Variants in BTK observed in about 807,000 individuals in gnomAD.
BTK encodes the protein tyrosine-protein kinase BTK.
A neutral mutation model predicts 57.4 loss-of-function variants in BTK; 5 were observed. The ratio of observed to expected loss-of-function variants is 0.09; its 90% CI spans 0.05 to 0.18. The LOEUF is 0.18. Ranked by LOEUF, BTK falls within the 10% of genes least tolerant of loss-of-function variation. The pLI, the probability that BTK is intolerant of heterozygous loss-of-function variation, is 1.00. For missense variants in BTK, 194 were observed against 501.2 expected (o/e 0.39, Z 5.85); for synonymous variants, 154 against 174.3 (o/e 0.88, Z 0.92).
intron 18 of BTK, 146 bp downstream of exon 18, chrX:101,353,048 A>G (rs1475522447): frequency 3.5e-6 from 2 of 577,170 alleles, no homozygotes; most frequent in African/African-American, 4.8e-5. Flanking sequence ...CCTGGGTGAA[A>G]GAGCGAGACC....
chrX:101,379,677 C>T (rs1555981512), intron 1 of BTK, among the ~76,000 whole-genome samples: 1 of 111,461 alleles, frequency 9.0e-6, no homozygotes, highest in Non-Finnish European at 1.9e-5. Context: ...GCCTTGGGGC[C>T]CCTGTCATTC....
chrX:101,356,000 T>G (rs1926467924), intron 15 of BTK, 52 bp downstream of exon 15: 1 of 1,132,789 alleles, frequency 8.8e-7, no homozygotes, highest in Non-Finnish European at 1.2e-6. Flanking sequence ...CTTCCACTGC[T>G]ACTTCCACCC....
At chrX:101,387,165 A>ATT (rs782638485), upstream of BTK, among the ~76,000 whole-genome samples, 1 of 109,562 alleles carries the variant, frequency 9.1e-6, no homozygotes, top group African/African-American at 3.3e-5. Context: ...ACAGGACCTT[A>ATT]TTTTTTTTTC....
intron 1 of BTK, among the ~76,000 whole-genome samples, chrX:101,382,662 G>C (rs998724774): frequency 2.7e-5 from 3 of 111,465 alleles, no homozygotes; most frequent in African/African-American, 9.8e-5. Flanking sequence ...GATGATGGAA[G>C]GAGAGCCAGA....
In BTK at chrX:101,349,917, T is replaced by C; in HGVS notation, c.1948A>G (p.Asn650Asp). 1 of 1,210,181 alleles carries C rather than the reference T, an allele frequency of 8.3e-7. No homozygotes were observed. Among genetic ancestry groups the C allele is most frequent in the Middle Eastern group, 2.3e-4 (1 of 4,348 alleles). ...ERPTFKILLS[N>D]ILDVMDEES The stretch of plus-strand genomic sequence containing the variant: ...TCTTCATCCATGACATCTAGAATAT[T>C]GCTCAGAAGAATTTTGAAAGTGGGA... Residue 650 changes from asparagine (N) to aspartate (D), a missense_variant, in exon 19 of 19, where the codon AAT becomes GAT. This residue lies in a region of BTK where 79 missense variants were observed against 217.7 expected (regional missense o/e 0.36). Transcript: ENST00000308731.
At chrX:101,376,990 G>T (rs182057444) in intron 1 of BTK, among the ~76,000 whole-genome samples, 202 of 111,368 alleles carry the variant, frequency 1.8e-3, no homozygotes, top group African/African-American at 6.4e-3. Context: ...AACACCAGGG[G>T]TGTTCTGGAA....
At chrX:101,358,769 G>A (rs1555978215) in intron 10 of BTK, 73 bp from the exon 11 acceptor site, 16 of 872,285 alleles carry the variant, frequency 1.8e-5, no homozygotes, top group South Asian at 1.0e-4. Flanking sequence ...GCCCAAACTT[G>A]AGAGAGAAAA....
intron 5 of BTK, among the ~76,000 whole-genome samples, chrX:101,366,593 T>C (rs1270261066): frequency 8.9e-6 from 1 of 112,082 alleles, no homozygotes; most frequent in African/African-American, 3.2e-5. Context: ...ACTATTGACA[T>C]TGGCAGCACC....
At chrX:101,369,508 T>C (rs1304056774) in intron 5 of BTK, among the ~76,000 whole-genome samples, 1 of 111,804 alleles carries the variant, frequency 8.9e-6, no homozygotes, top group Non-Finnish European at 1.9e-5. Context: ...TACTTAGGAT[T>C]CTAAATATTG....
chrX:101,390,019 C>T (rs962854572), upstream of BTK, among the ~76,000 whole-genome samples: 6 of 111,630 alleles, frequency 5.4e-5, no homozygotes, highest in Non-Finnish European at 1.1e-4. Context: ...TAAAGGAACG[C>T]GGGCTCTAGA....
At chrX:101,358,258 A>G (rs1555978113) in intron 12 of BTK, 52 bp downstream of exon 12, 2 of 1,204,708 alleles carry the variant, frequency 1.7e-6, no homozygotes, top group South Asian at 1.8e-5. Context: ...CTTGTCCTGC[A>G]TTGCTTATCC....
chrX:101,359,536 A>G (rs1431888555), intron 9 of BTK, among the ~76,000 whole-genome samples, 189 bp from the exon 10 acceptor site: 1 of 111,777 alleles, frequency 8.9e-6, no homozygotes, highest in East Asian at 2.8e-4. Flanking sequence ...GATTCATGGA[A>G]ATGGAGAGTA....
At position 101,358,291 on chromosome X, in the gene BTK, A is replaced by G; in HGVS notation, c.1102+19T>C. ...TCCTGGTGTCTGTAACTCCCTTCTC[A>G]GTTGCCCCTGGTACTCACCTGCAGA... On this transcript the variant is annotated intron_variant, in intron 12 of 18. Transcript: ENST00000308731. 8.3e-7 allele frequency: 1 copy of G among 1,211,494 alleles called. No homozygotes were observed. Among genetic ancestry groups the G allele is most frequent in the Non-Finnish European group, 1.1e-6 (1 of 895,345 alleles).
upstream of BTK, among the ~76,000 whole-genome samples, chrX:101,387,598 T>A (rs1159254511): frequency 5.5e-5 from 6 of 110,063 alleles, no homozygotes; most frequent in African/African-American, 2.0e-4. Context: ...GCGATACTCC[T>A]GCCTTGGCCT....
At chrX:101,358,019 C>T (rs1429645366) in intron 12 of BTK, 5 of 438,339 alleles carry the variant, frequency 1.1e-5, no homozygotes, top group South Asian at 2.7e-5. Context: ...CTGAGGAAAT[C>T]GCTGAGTACA....
Position 101,349,781 on chromosome X carries a change from G to A in BTK, c.*104C>T. The stretch of plus-strand genomic sequence containing the variant: ...GAGAGGGGCCTTTTTGTATTGAGTG[G>A]GAGCACAAAGGCTCCAGGGCTCCTA... On this transcript the variant is annotated 3_prime_UTR_variant, in exon 19 of 19. Coordinates refer to ENST00000308731, the MANE Select transcript of BTK (RefSeq NM_000061.3). 1 of 686,777 alleles carries A rather than the reference G, an allele frequency of 1.5e-6. No homozygotes were observed. Among genetic ancestry groups the A allele is most frequent in the Non-Finnish European group, 2.3e-6 (1 of 429,533 alleles). The allele number at this position is 686,777 out of a possible 1,213,427, so 56.6% of individuals were successfully genotyped here. A position where few individuals can be genotyped will look rare whatever the true frequency, so the allele number is the denominator to read the frequency against.
At position 101,383,014 on chromosome X, in the gene BTK, T is replaced by C. The variant is rs1045756325; in HGVS notation, c.-31+3048A>G. 1.2e-4 allele frequency among the ~76,000 whole-genome samples: 13 copies of C among 111,140 alleles called. No homozygotes were observed. The East Asian group carries it at 3.7e-3, about 31-fold the overall frequency. ...ACCCCCATCTCAAAATAAAACAAAA[T>C]ATAGTAAAATAAAACATGCTTATTG... On this transcript the variant is annotated intron_variant, in intron 1 of 18. Coordinates refer to ENST00000308731, the MANE Select transcript of BTK (RefSeq NM_000061.3).
chrX:101,385,675 T>C (rs987798825), intron 1 of BTK, among the ~76,000 whole-genome samples: 1 of 112,703 alleles, frequency 8.9e-6, no homozygotes, highest in Admixed American at 9.4e-5. Flanking sequence ...AAGGCTTCAT[T>C]GACCCATGTA....
At chrX:101,362,281 A>G (rs373358471) in intron 6 of BTK, 41 bp from the exon 7 acceptor site, 398 of 1,183,694 alleles carry the variant, frequency 3.4e-4, no homozygotes, top group Non-Finnish European at 4.4e-4. Flanking sequence ...AATGCACTTT[A>G]GGAAAGGGGC....
Sources: allele counts gnomAD v4.1 joint callset (sites outside exome capture counted in the v4.1 genomes callset), GRCh38; gene constraint gnomAD v4.1.1; regional missense constraint gnomAD v4.1.1; transcripts MANE v1.5; gene names NCBI Gene and HGNC (gene_info 2026-07-23, HGNC 2026-07-21).